The following LAMA2 variants were observed in gnomAD, a reference collection of about 807,000 sequenced individuals.
LAMA2 encodes the protein laminin subunit alpha 2.
Under a neutral mutation model 364.8 loss-of-function variants are expected in LAMA2, and 269 were observed. The observed-to-expected ratio is 0.74, with a 90% confidence interval of 0.67 to 0.82. The LOEUF is 0.82. LAMA2 is among the 40% of genes least tolerant of loss of function. The pLI, the probability that LAMA2 is intolerant of heterozygous loss-of-function variation, is 0.00. For synonymous variants in LAMA2, 1,379 were observed against 1,370.6 expected (o/e 1.01, Z -0.14); for missense variants, 3,807 against 3,873.2 (o/e 0.98, Z 0.45).
At position 129,165,625 on chromosome 6, in the gene LAMA2, T is replaced by C. The variant is rs772375392; in HGVS notation, c.1256T>C (p.Ile419Thr). The C allele has an allele frequency of 3.1e-6, 5 of 1,613,416 alleles. No individual in the cohort carries two copies. The highest frequency in any genetic ancestry group is 2.7e-5 in the African/African-American group (2 of 74,916). The change falls in exon 9 of 65, where the codon ATT (isoleucine) becomes ACT (threonine). Residue 419 changes from isoleucine to threonine, a missense_variant. By Grantham distance (89) the Ile-to-Thr change is moderately conservative. Around this residue, in one of 3 missense-constraint regions of LAMA2, gnomAD observed 3,333 missense variants for 3,345.7 expected, o/e 1.00. Coordinates refer to ENST00000421865, the MANE Select transcript of LAMA2 (RefSeq NM_000426.4). Reference protein sequence around the residue: ...RPCQPCHCDPIGSLNEVCVKD... With the variant: ...RPCQPCHCDPTGSLNEVCVKD... ...TGCCAGCCATGTCATTGCGATCCAA[T>C]TGGTTCCTTAAATGAAGTCTGTGTC...
chr6:129,306,636 G>C (rs1428407028), intron 22 of LAMA2, among the ~76,000 whole-genome samples: 1 of 151,030 alleles, frequency 6.6e-6, no homozygotes, highest in Non-Finnish European at 1.5e-5. Flanking sequence ...TCTCACTGAG[G>C]TTCTTATTTT....
At chr6:128,992,451 A>G (rs1373186629) in intron 1 of LAMA2, among the ~76,000 whole-genome samples, 1 of 152,188 alleles carries the variant, frequency 6.6e-6, no homozygotes, top group Non-Finnish European at 1.5e-5. Flanking sequence ...CTGTGGTCAG[A>G]TTATTTCAGT....
In LAMA2 at chr6:129,440,658, T is replaced by A. The variant is rs1386472266; in HGVS notation, c.6086-158T>A. Among the ~76,000 whole-genome samples, 5 of 152,182 alleles carry A rather than the reference T, an allele frequency of 3.3e-5. No individual in the cohort carries two copies. The East Asian group carries it at 9.6e-4, about 29-fold the overall frequency. ...GAAAATTTAATTTACCTAAAAAAAT[T>A]TGCTTCATTTGCTACACCTGAATGA... On this transcript the variant is annotated intron_variant, in intron 42 of 64. Coordinates refer to ENST00000421865, the MANE Select transcript of LAMA2 (RefSeq NM_000426.4).
At chr6:129,414,297 A>G (rs1780679757) in intron 40 of LAMA2, among the ~76,000 whole-genome samples, 1 of 152,102 alleles carries the variant, frequency 6.6e-6, no homozygotes, top group Non-Finnish European at 1.5e-5. Context: ...ATGGAAAAAG[A>G]AGAAAAATTT....
chr6:129,223,496 A>T (rs908721373), intron 12 of LAMA2, among the ~76,000 whole-genome samples: 1 of 152,120 alleles, frequency 6.6e-6, no homozygotes, highest in Non-Finnish European at 1.5e-5. Flanking sequence ...TAAGTCTTTA[A>T]TCCATCTTGA....
chr6:129,244,423 G>A (rs186112453), intron 12 of LAMA2, among the ~76,000 whole-genome samples: 315 of 152,144 alleles, frequency 2.1e-3, no homozygotes, highest in African/African-American at 7.1e-3. Context: ...AAGATGAATC[G>A]CTTGCCCTGT....
At chr6:129,093,075 G>A (rs940370068) in intron 3 of LAMA2, among the ~76,000 whole-genome samples, 5 of 151,374 alleles carry the variant, frequency 3.3e-5, no homozygotes, top group African/African-American at 7.3e-5. Context: ...TCCGCCTTCC[G>A]ATTTTCAAGC....
intron 1 of LAMA2, among the ~76,000 whole-genome samples, chr6:128,887,338 C>G (rs1776201585): frequency 6.6e-6 from 1 of 151,900 alleles, no homozygotes; most frequent in Non-Finnish European, 1.5e-5. Flanking sequence ...ATATACTGAC[C>G]TAATCATTTA....
intron 30 of LAMA2, 121 bp downstream of exon 30, chr6:129,342,588 AT>A: frequency 1.1e-6 from 1 of 888,890 alleles, no homozygotes; most frequent in Non-Finnish European, 1.7e-6. Context: ...AGATAGAGAT[AT>A]TTTTAATAAT....
At chr6:129,040,871 TATGATGGAAGTTAGCCC>T (rs1321175096) in intron 1 of LAMA2, among the ~76,000 whole-genome samples, 4 of 152,170 alleles carry the variant, frequency 2.6e-5, no homozygotes, top group Non-Finnish European at 4.4e-5. Flanking sequence ...CTTGTAAAGC[TATGATGGAAGTTAGCCC>T]ATGAGTGTGT....
intron 17 of LAMA2, among the ~76,000 whole-genome samples, chr6:129,277,009 ATATT>A (rs1424767592): frequency 1.3e-5 from 2 of 152,174 alleles, no homozygotes; most frequent in Non-Finnish European, 2.9e-5. Flanking sequence ...ATAAAAGTAT[ATATT>A]CAGCCATTAA....
rs201787324 is a variant in LAMA2 at position 129,200,244 on chromosome 6, GTA to G, written c.1782+7400_1782+7401del. 5.0e-4 allele frequency among the ~76,000 whole-genome samples: 61 copies of G among 122,290 alleles called. 2 individuals carry two copies. The highest frequency in any genetic ancestry group is 2.3e-3 in the East Asian group (10 of 4,294). The allele number at this position is 122,290 out of a possible 152,430, so 80.2% of individuals were successfully genotyped here. A position where few individuals can be genotyped will look rare whatever the true frequency, so the allele number is the denominator to read the frequency against. ...TATATACGTGTACACATATACATGT[GTA>G]TATATATACGTGTACACATATACAT... On this transcript the variant is annotated intron_variant, in intron 12 of 64. Coordinates refer to ENST00000421865, the MANE Select transcript of LAMA2 (RefSeq NM_000426.4).
intron 1 of LAMA2, among the ~76,000 whole-genome samples, chr6:128,903,944 A>C (rs1777250688): frequency 6.6e-6 from 1 of 152,184 alleles, no homozygotes; most frequent in Non-Finnish European, 1.5e-5. Context: ...GTAGGCATCC[A>C]GCTGCAGGTA....
At chr6:128,945,318 C>A (rs758953990) in intron 1 of LAMA2, among the ~76,000 whole-genome samples, 2 of 152,140 alleles carry the variant, frequency 1.3e-5, no homozygotes, top group Non-Finnish European at 2.9e-5. Flanking sequence ...ATTTGTTGTA[C>A]CAAACTTCTC....
chr6:129,212,687 T>C (rs544652576), intron 12 of LAMA2, among the ~76,000 whole-genome samples: 2 of 152,332 alleles, frequency 1.3e-5, no homozygotes, highest in South Asian at 4.1e-4. Flanking sequence ...TTTTCAAACA[T>C]CGATTTCGGG....
intron 15 of LAMA2, among the ~76,000 whole-genome samples, chr6:129,265,591 A>C (rs1787448633): frequency 6.6e-6 from 1 of 151,942 alleles, no homozygotes; most frequent in Non-Finnish European, 1.5e-5. Context: ...ATGGGAAGGG[A>C]TTTAATTGGG....
chr6:129,196,609 C>T (rs551325919), intron 12 of LAMA2, among the ~76,000 whole-genome samples: 7 of 152,210 alleles, frequency 4.6e-5, no homozygotes, highest in African/African-American at 1.7e-4. Flanking sequence ...CTCCATAGTC[C>T]TCAAAATTAT....
chr6:129,016,534 G>A (rs926693723), intron 1 of LAMA2, among the ~76,000 whole-genome samples: 6 of 151,842 alleles, frequency 4.0e-5, no homozygotes, highest in African/African-American at 7.2e-5. Flanking sequence ...CCAACAGCAC[G>A]GGTGAACCCT....
intron 1 of LAMA2, among the ~76,000 whole-genome samples, chr6:128,953,081 G>A (rs1258884714): frequency 6.6e-6 from 1 of 152,154 alleles, no homozygotes; most frequent in East Asian, 1.9e-4. Flanking sequence ...CCTTGCATGG[G>A]TGATGGGCCC....
Sources: gnomAD v4.1 joint callset for allele counts (sites outside exome capture counted in the v4.1 genomes callset) on GRCh38, gnomAD v4.1.1 for gene constraint, gnomAD v4.1.1 regional missense constraint, MANE v1.5 for transcripts, NCBI Gene and HGNC (gene_info 2026-07-23, HGNC 2026-07-21) for gene names.